Variants in SGCZ observed in about 807,000 individuals in gnomAD.
The protein encoded by SGCZ is zeta-sarcoglycan.
In SGCZ, 40 loss-of-function variants were observed where a neutral mutation model predicts 41.3. The observed-to-expected ratio is 0.97, with a 90% CI of 0.75 to 1.26. The LOEUF (loss-of-function observed/expected upper bound fraction) is 1.26. SGCZ is among the 50% of genes most tolerant of loss of function. The pLI, the probability that SGCZ is intolerant of heterozygous loss-of-function variation, is 0.00. For missense variants in SGCZ, 552 were observed against 369.8 expected (o/e 1.49, Z -4.04); for synonymous variants, 206 against 137.5 (o/e 1.50, Z -3.49).
chr8:14,757,766 A>G (rs977560071), intron 1 of SGCZ, among the ~76,000 whole-genome samples: 4 of 152,346 alleles, frequency 2.6e-5, no homozygotes, highest in Non-Finnish European at 4.4e-5. Context: ...TAAGCTTCCC[A>G]ACAAGGGATG....
At chr8:15,172,154 G>GTTTTTTTTTTATTTA (rs1563164643) in intron 1 of SGCZ, among the ~76,000 whole-genome samples, 1 of 71,774 alleles carries the variant, frequency 1.4e-5, no homozygotes, top group African/African-American at 5.1e-5. Flanking sequence ...TTTATACTCT[G>GTTTTTTTTTTATTTA]TTTTTTTTTT....
chr8:14,566,954 G>C (rs994960217), intron 1 of SGCZ, among the ~76,000 whole-genome samples: 29 of 152,316 alleles, frequency 1.9e-4, no homozygotes, highest in African/African-American at 7.0e-4. Flanking sequence ...GGCCCCACCG[G>C]CCCCGGGCAG....
intron 1 of SGCZ, among the ~76,000 whole-genome samples, chr8:14,959,013 C>T (rs1323670271): frequency 6.6e-6 from 1 of 152,064 alleles, no homozygotes; most frequent in Non-Finnish European, 1.5e-5. Context: ...TGAACTCCTA[C>T]TACATAGTAA....
chr8:15,142,395 G>A (rs1346054641), intron 1 of SGCZ, among the ~76,000 whole-genome samples: 2 of 152,076 alleles, frequency 1.3e-5, no homozygotes, highest in African/African-American at 4.8e-5. Context: ...TATATTTGAT[G>A]TATTTTGAGG....
intron 4 of SGCZ, among the ~76,000 whole-genome samples, chr8:14,206,588 G>A (rs1035567469): frequency 6.6e-6 from 1 of 152,070 alleles, no homozygotes; most frequent in African/African-American, 2.4e-5. Context: ...GCAATGCCCT[G>A]GAAATTTATG....
In SGCZ at chr8:14,108,177, T is replaced by C; in HGVS notation, c.606A>G (p.Pro202=). The C allele has an allele frequency of 1.2e-6, 2 of 1,614,134 alleles. No homozygotes were observed. The highest frequency in any genetic ancestry group is 2.2e-5 in the South Asian group (2 of 91,084). ...SVETPHIRAE[P]SQDLRLESPT... is the part of the protein sequence containing the mutation. ...GAAGCCCTTACCTGAGATCTTGGGA[T>C]GGCTCTGCTCTGATGTGCGGCGTCT... Residue 202 remains proline, a synonymous_variant, in exon 6 of 8, where the codon CCA becomes CCG. Coordinates refer to ENST00000382080, the MANE Select transcript of SGCZ (RefSeq NM_139167.4).
intron 2 of SGCZ, among the ~76,000 whole-genome samples, chr8:14,348,124 C>T (rs1802955077): frequency 6.6e-6 from 1 of 152,006 alleles, no homozygotes; most frequent in South Asian, 2.1e-4. Flanking sequence ...TCATCTGCAA[C>T]TCAGCTGTAA....
intron 1 of SGCZ, among the ~76,000 whole-genome samples, chr8:14,767,622 CTT>C (rs1800082270): frequency 6.6e-6 from 1 of 152,148 alleles, no homozygotes; most frequent in Non-Finnish European, 1.5e-5. Context: ...GAACCATTCT[CTT>C]TATTTCAAAC....
At chr8:14,167,033 G>A (rs879572693) in intron 4 of SGCZ, among the ~76,000 whole-genome samples, 2 of 152,032 alleles carry the variant, frequency 1.3e-5, no homozygotes, top group Non-Finnish European at 2.9e-5. Context: ...CAAGCAATTA[G>A]CAATGCATTG....
chr8:14,950,317 C>G (rs948733515), intron 1 of SGCZ, among the ~76,000 whole-genome samples: 7 of 151,584 alleles, frequency 4.6e-5, no homozygotes, highest in Non-Finnish European at 1.0e-4. Flanking sequence ...TTTTATGTAT[C>G]TCCCTCCCTC....
At chr8:14,256,182 T>C (rs539299773) in intron 3 of SGCZ, among the ~76,000 whole-genome samples, 5 of 152,292 alleles carry the variant, frequency 3.3e-5, no homozygotes, top group Admixed American at 2.6e-4. Context: ...GCTTCATCCA[T>C]ATTTTTACCA....
chr8:15,170,636 G>GT (rs1296934682), intron 1 of SGCZ, among the ~76,000 whole-genome samples: 2 of 152,086 alleles, frequency 1.3e-5, no homozygotes, highest in African/African-American at 2.4e-5. Flanking sequence ...GTTTTGTTTT[G>GT]TTTTTTTAAA....
chr8:15,233,476 G>C (rs2117213534), intron 1 of SGCZ, among the ~76,000 whole-genome samples: 1 of 151,768 alleles, frequency 6.6e-6, no homozygotes, highest in African/African-American at 2.4e-5. Flanking sequence ...AAATACCTAT[G>C]TATTTTTTGC....
chr8:14,258,166 G>C (rs10099853), intron 3 of SGCZ, among the ~76,000 whole-genome samples: 58,123 of 151,772 alleles, frequency 0.38, 12,489 homozygotes, highest in Non-Finnish European at 0.5. Context: ...AGAGAATATA[G>C]ATACTAAACA....
At chr8:14,133,411 A>AGAGT (rs1348822958) in intron 5 of SGCZ, among the ~76,000 whole-genome samples, 1 of 152,180 alleles carries the variant, frequency 6.6e-6, no homozygotes, top group Non-Finnish European at 1.5e-5. Context: ...TTTTATGGCT[A>AGAGT]GAGTTCTGAG....
chr8:15,067,655 C>G (rs1230788451), intron 1 of SGCZ, among the ~76,000 whole-genome samples: 5 of 152,044 alleles, frequency 3.3e-5, no homozygotes, highest in African/African-American at 1.2e-4. Context: ...TAAAATAATT[C>G]CACATTATTT....
intron 3 of SGCZ, among the ~76,000 whole-genome samples, chr8:14,302,028 G>A (rs1585338378): frequency 6.6e-6 from 1 of 152,182 alleles, no homozygotes; most frequent in Non-Finnish European, 1.5e-5. Flanking sequence ...GATTTACAAA[G>A]AATACTTTTT....
At chr8:14,607,513 AT>A (rs1805790305) in intron 1 of SGCZ, among the ~76,000 whole-genome samples, 1 of 152,182 alleles carries the variant, frequency 6.6e-6, no homozygotes, top group African/African-American at 2.4e-5. Context: ...AATATGTTAC[AT>A]TGATTCTTCA....
chr8:14,669,461 A>G (rs1438450839), intron 1 of SGCZ, among the ~76,000 whole-genome samples: 1 of 152,034 alleles, frequency 6.6e-6, no homozygotes, highest in Non-Finnish European at 1.5e-5. Flanking sequence ...GTATCCTTTG[A>G]CCAGTATCTA....
Sources: gnomAD v4.1 joint callset for allele counts (sites outside exome capture counted in the v4.1 genomes callset) on GRCh38, gnomAD v4.1.1 for gene constraint, MANE v1.5 for transcripts, NCBI Gene and HGNC (gene_info 2026-07-23, HGNC 2026-07-21) for gene names.